Variants in MOSMO observed in about 807,000 individuals in gnomAD.
The protein encoded by MOSMO is modulator of smoothened protein.
Under a neutral mutation model 18.4 loss-of-function variants are expected in MOSMO, and 5 were observed. The ratio of observed to expected loss-of-function variants is 0.27; its 90% CI spans 0.14 to 0.57. The LOEUF (loss-of-function observed/expected upper bound fraction) is 0.57, where lower values mean the gene tolerates loss of function less well. MOSMO is among the 20% of genes least tolerant of loss of function. MOSMO has a pLI of 0.92. For missense variants in MOSMO, 138 were observed against 211.8 expected, an observed-to-expected ratio of 0.65 and a Z score of 2.16; for synonymous variants, 82 against 82.3, an observed-to-expected ratio of 1.00 and a Z score of 0.02.
the MOSMO span, chr16:22,092,547 C>A: frequency 1.3e-6 from 2 of 1,509,030 alleles, no homozygotes; most frequent in Non-Finnish European, 9.0e-7. Flanking sequence ...TGCTGAGTTG[C>A]TTGGAGGAGC....
chr16:22,083,828 A>G lies in MOSMO; in HGVS notation c.*2948A>G, dbSNP rs954973796. 6 of 365,820 alleles carry G rather than the reference A, an allele frequency of 1.6e-5. No homozygotes were observed. Among genetic ancestry groups the G allele is most frequent in the African/African-American group, 8.6e-5 (4 of 46,586 alleles). The allele number at this position is 365,820 out of a possible 1,614,324, so 22.7% of individuals were successfully genotyped here. A position where few individuals can be genotyped will look rare whatever the true frequency, so the allele number is the denominator to read the frequency against. On this transcript the variant is annotated 3_prime_UTR_variant, in exon 3 of 3. Transcript: ENST00000542527. ...CATCTGTAAACATGAAAAATCTTCA[A>G]TTTATTAAAAGCAAACATTTCAGTA...
chr16:22,072,075 G>T (rs1900864192), intron 1 of MOSMO, among the ~76,000 whole-genome samples: 1 of 152,146 alleles, frequency 6.6e-6, no homozygotes, highest in Non-Finnish European at 1.5e-5. Flanking sequence ...GGGATAAAAA[G>T]AAGCTACCTT....
intron 1 of MOSMO, among the ~76,000 whole-genome samples, chr16:22,050,074 A>T (rs921906109): frequency 5.9e-5 from 9 of 152,220 alleles, no homozygotes; most frequent in African/African-American, 2.2e-4. Context: ...ATTAAAAGGA[A>T]AACCCTTCTT....
intron 1 of MOSMO, among the ~76,000 whole-genome samples, chr16:22,009,208 C>G (rs1727741282): frequency 6.6e-6 from 1 of 152,194 alleles, no homozygotes. Context: ...TAATAAACCT[C>G]ATTTTATGGA....
chr16:22,077,126 G>A (rs1459599574), intron 2 of MOSMO, among the ~76,000 whole-genome samples: 1 of 152,188 alleles, frequency 6.6e-6, no homozygotes, highest in Non-Finnish European at 1.5e-5. Context: ...TTCAAGGAGT[G>A]AAATAATATC....
At chr16:22,034,127 T>C (rs931405603) in intron 1 of MOSMO, among the ~76,000 whole-genome samples, 3 of 152,242 alleles carry the variant, frequency 2.0e-5, no homozygotes, top group Admixed American at 1.3e-4. Flanking sequence ...AATTACTTTA[T>C]AACAGAATAT....
downstream of MOSMO, among the ~76,000 whole-genome samples, chr16:22,090,616 C>G (rs1052490630): frequency 3.3e-5 from 5 of 152,206 alleles, no homozygotes; most frequent in African/African-American, 1.2e-4. Context: ...AAATTAATAT[C>G]TGAAATATAT....
At chr16:22,023,124 A>C (rs1171524657) in intron 1 of MOSMO, among the ~76,000 whole-genome samples, 1 of 152,188 alleles carries the variant, frequency 6.6e-6, no homozygotes, top group African/African-American at 2.4e-5. Context: ...AAATTTTTTA[A>C]ATTGAGTCAC....
intron 1 of MOSMO, among the ~76,000 whole-genome samples, chr16:22,055,999 T>C (rs1900525052): frequency 6.6e-6 from 1 of 152,160 alleles, no homozygotes; most frequent in African/African-American, 2.4e-5. Flanking sequence ...ATGCCAAAAC[T>C]GTGAAGCTGT....
intron 1 of MOSMO, among the ~76,000 whole-genome samples, chr16:22,044,508 G>A (rs965474061): frequency 1.3e-5 from 2 of 152,150 alleles, no homozygotes; most frequent in African/African-American, 4.8e-5. Flanking sequence ...GATGCTCAAA[G>A]GAAATGCTCA....
intron 1 of MOSMO, among the ~76,000 whole-genome samples, chr16:22,040,984 A>T (rs1598008888): frequency 6.6e-6 from 1 of 152,168 alleles, no homozygotes; most frequent in Non-Finnish European, 1.5e-5. Flanking sequence ...ACAAACGAAC[A>T]AACAAAAAAG....
intron 1 of MOSMO, among the ~76,000 whole-genome samples, chr16:22,063,344 G>A (rs775731765): frequency 1.3e-5 from 2 of 152,156 alleles, no homozygotes; most frequent in Non-Finnish European, 2.9e-5. Flanking sequence ...GTTTAATACC[G>A]GAATATCAAC....
intron 1 of MOSMO, among the ~76,000 whole-genome samples, chr16:22,039,933 A>G (rs926142146): frequency 6.6e-5 from 10 of 152,198 alleles, no homozygotes; most frequent in Non-Finnish European, 1.5e-4. Context: ...CCACTAGAAT[A>G]TATGCTTCAT....
At chr16:22,041,802 G>A (rs777743699) in intron 1 of MOSMO, among the ~76,000 whole-genome samples, 1 of 151,728 alleles carries the variant, frequency 6.6e-6, no homozygotes, top group Non-Finnish European at 1.5e-5. Context: ...ATATTCCTTA[G>A]TAGCTGGGAC....
chr16:22,031,615 C>T (rs1378274119), intron 1 of MOSMO, among the ~76,000 whole-genome samples: 1 of 152,180 alleles, frequency 6.6e-6, no homozygotes, highest in Non-Finnish European at 1.5e-5. Context: ...GAAATGATAA[C>T]GTGGTCTTTT....
At chr16:22,010,145 C>G (rs907980512) in intron 1 of MOSMO, among the ~76,000 whole-genome samples, 1 of 152,276 alleles carries the variant, frequency 6.6e-6, no homozygotes, top group Middle Eastern at 3.4e-3. Context: ...TTCTCTCCCC[C>G]AATCTAGACC....
At chr16:22,021,491 G>A (rs553861725) in intron 1 of MOSMO, among the ~76,000 whole-genome samples, 1 of 152,150 alleles carries the variant, frequency 6.6e-6, no homozygotes, top group East Asian at 1.9e-4. Flanking sequence ...TCTTAGGAAA[G>A]TATTTTATTC....
In MOSMO at chr16:22,081,630, GTGTGTGTGTGTA is replaced by G. The variant is rs975960293; in HGVS notation, c.*760_*771del. 2 of 147,706 alleles carry G rather than the reference GTGTGTGTGTGTA, an allele frequency of 1.4e-5. No homozygotes were observed. The highest frequency in any genetic ancestry group is 3.0e-5 in the Non-Finnish European group (2 of 67,156). The allele number at this position is 147,706 out of a possible 1,614,324, so 9.1% of individuals were successfully genotyped here. A position where few individuals can be genotyped will look rare whatever the true frequency, so the allele number is the denominator to read the frequency against. On this transcript the variant is annotated 3_prime_UTR_variant, in exon 3 of 3. Coordinates refer to ENST00000542527, the MANE Select transcript of MOSMO (RefSeq NM_001164579.2). ...ATACAGTGTGTATATATGTGTGTGT[GTGTGTGTGTGTA>G]TGTGTGTGTAAATTTATATACACAC...
Position 22,008,203 on chromosome 16 carries a change from G to A in MOSMO, c.-99G>A. The A allele has an allele frequency of 4.4e-6, 2 of 457,754 alleles. No homozygotes were observed. Among genetic ancestry groups the A allele is most frequent in the Non-Finnish European group, 6.4e-6 (2 of 311,550 alleles). 28.4% of individuals were successfully genotyped at this position (457,754 alleles called of 1,614,324 possible). ...GGGGGCCGAGGGGGCGCGAGGCAGC[G>A]GCGCGGGGACTCCGGGCCCCGGCGG... On this transcript the variant is annotated 5_prime_UTR_variant, in exon 1 of 3. Coordinates refer to ENST00000542527, the MANE Select transcript of MOSMO (RefSeq NM_001164579.2).
Sources: gnomAD v4.1 joint callset for allele counts (sites outside exome capture counted in the v4.1 genomes callset) on GRCh38, gnomAD v4.1.1 for gene constraint, MANE v1.5 for transcripts, NCBI Gene and HGNC (gene_info 2026-07-23, HGNC 2026-07-21) for gene names.